ITGBL1: variants seen among roughly 807,000 people sequenced by gnomAD.
ITGBL1 encodes the protein integrin subunit beta like 1, also known as integrin beta-like protein 1.
ITGBL1 carries 51 observed loss-of-function variants against 68.5 expected under a neutral mutation model. The observed-to-expected ratio is 0.74, with a 90% CI of 0.59 to 0.94. The LOEUF is 0.94. Ranked by LOEUF, ITGBL1 falls within the 40% of genes least tolerant of loss-of-function variation. ITGBL1 has a pLI of 0.00. For missense variants in ITGBL1, 649 were observed against 647.4 expected (o/e 1.00, Z -0.03); for synonymous variants, 209 against 227.3 (o/e 0.92, Z 0.72).
chr13:101,714,339 G>GT, intron 9 of ITGBL1, 99 bp from the exon 10 acceptor site: 1 of 764,386 alleles, frequency 1.3e-6, no homozygotes, highest in East Asian at 2.4e-5. Context: ...TGGATGATGG[G>GT]TTATTAGAAG....
chr13:101,520,595 T>G (rs536264326), intron 2 of ITGBL1, among the ~76,000 whole-genome samples: 31 of 152,162 alleles, frequency 2.0e-4, no homozygotes, highest in Non-Finnish European at 4.4e-4. Context: ...ATCATGTTCT[T>G]TTAAAGGATA....
In ITGBL1 at chr13:101,662,319, A is replaced by G. The variant is rs79296184; in HGVS notation, c.1016-30266A>G. 4.7e-4 allele frequency among the ~76,000 whole-genome samples: 72 copies of G among 152,284 alleles called. 1 individual carries two copies. In the East Asian group the frequency reaches 0.01, roughly 22 times the overall value. On this transcript the variant is annotated intron_variant, in intron 7 of 10. Coordinates refer to ENST00000376180, the MANE Select transcript of ITGBL1 (RefSeq NM_004791.3). ...AATTTTACTTTGTTTTTATTCTTCCATATGAGCTCTTTTGATTTTATTGAA... is the reference window on the plus strand; with the variant it reads ...AATTTTACTTTGTTTTTATTCTTCCGTATGAGCTCTTTTGATTTTATTGAA...
At chr13:101,523,273 G>T (rs925910596) in intron 2 of ITGBL1, among the ~76,000 whole-genome samples, 67 of 152,130 alleles carry the variant, frequency 4.4e-4, no homozygotes, top group Admixed American at 2.0e-3. Context: ...ATAAGAGAAG[G>T]CCAGGCCTGG....
chr13:101,637,725 C>T (rs955734967), intron 7 of ITGBL1, among the ~76,000 whole-genome samples: 3 of 152,156 alleles, frequency 2.0e-5, no homozygotes, highest in Admixed American at 2.0e-4. Context: ...TCTAAGCCAA[C>T]TCTCTCTTTT....
intron 2 of ITGBL1, among the ~76,000 whole-genome samples, chr13:101,547,708 G>C (rs1429745832): frequency 6.6e-6 from 1 of 151,662 alleles, no homozygotes; most frequent in Non-Finnish European, 1.5e-5. Context: ...TAAAATATTG[G>C]ATTGTTTTTT....
intron 7 of ITGBL1, among the ~76,000 whole-genome samples, chr13:101,691,208 G>T (rs28669861): frequency 1.4e-3 from 215 of 152,284 alleles, no homozygotes; most frequent in African/African-American, 5.1e-3. Context: ...ATCGTTGAAG[G>T]AGGGACCCCT....
At chr13:101,702,821 C>A (rs149962878) in intron 8 of ITGBL1, among the ~76,000 whole-genome samples, 1 of 152,146 alleles carries the variant, frequency 6.6e-6, no homozygotes, top group Middle Eastern at 3.2e-3. Context: ...TTATTTAACT[C>A]TTTAAGGACA....
rs547380929 is a variant in ITGBL1 at position 101,680,603 on chromosome 13, C to G, written c.1016-11982C>G. Among the ~76,000 whole-genome samples the G allele has an allele frequency of 4.0e-5, 6 of 151,776 alleles. No homozygotes were observed. The South Asian group carries it at 1.0e-3, about 26-fold the overall frequency. ...CAAATTGTATGTGAGTAATTGAACT[C>G]CAAGCCTCCCAGCTGTGTTTTACTT... On this transcript the variant is annotated intron_variant, in intron 7 of 10. Transcript: ENST00000376180.
intron 8 of ITGBL1, among the ~76,000 whole-genome samples, chr13:101,704,266 T>G (rs901249377): frequency 6.6e-6 from 1 of 151,828 alleles, no homozygotes; most frequent in Non-Finnish European, 1.5e-5. Context: ...CCTATGTAGC[T>G]CTGGAGGTAT....
chr13:101,718,804 T>C (rs535208983), downstream of ITGBL1: 232 of 151,358 alleles, frequency 1.5e-3, 1 homozygote, highest in African/African-American at 5.5e-3. Context: ...AACTAAAATA[T>C]AACTCAGCCT....
At chr13:101,642,940 A>C (rs1174801342) in intron 7 of ITGBL1, among the ~76,000 whole-genome samples, 1 of 149,532 alleles carries the variant, frequency 6.7e-6, no homozygotes, top group Non-Finnish European at 1.5e-5. Flanking sequence ...TTTTGGTACC[A>C]GTACCATGCT....
chr13:101,591,186 A>G (rs1044100346), intron 6 of ITGBL1, among the ~76,000 whole-genome samples: 1 of 152,144 alleles, frequency 6.6e-6, no homozygotes, highest in Admixed American at 6.6e-5. Flanking sequence ...TATGGGCGTG[A>G]GTCACCACGT....
chr13:101,498,195 T>C (rs904505412), intron 2 of ITGBL1, among the ~76,000 whole-genome samples: 2 of 152,192 alleles, frequency 1.3e-5, no homozygotes, highest in South Asian at 2.1e-4. Context: ...ATAGCTTCTA[T>C]TGGGAGTTGT....
intron 2 of ITGBL1, among the ~76,000 whole-genome samples, chr13:101,499,576 C>A (rs1011196981): frequency 2.6e-5 from 4 of 152,182 alleles, no homozygotes; most frequent in Non-Finnish European, 5.9e-5. Context: ...ACTTTTGGAA[C>A]TGGAGCAAAG....
chr13:101,706,273 G>A (rs913471879), intron 8 of ITGBL1, among the ~76,000 whole-genome samples: 1 of 152,158 alleles, frequency 6.6e-6, no homozygotes, highest in African/African-American at 2.4e-5. Context: ...TAAGCAGAGA[G>A]GTATACAGAT....
intron 8 of ITGBL1, among the ~76,000 whole-genome samples, chr13:101,696,876 C>T (rs1416576297): frequency 2.0e-5 from 3 of 152,068 alleles, no homozygotes; most frequent in Non-Finnish European, 4.4e-5. Flanking sequence ...GTTTTGGATA[C>T]AGGATTCTTC....
At chr13:101,530,245 T>TTA (rs1008129080) in intron 2 of ITGBL1, among the ~76,000 whole-genome samples, 3 of 151,654 alleles carry the variant, frequency 2.0e-5, no homozygotes, top group South Asian at 2.1e-4. Context: ...TGAAATGTAA[T>TTA]TATATATAGA....
intron 7 of ITGBL1, among the ~76,000 whole-genome samples, chr13:101,648,988 A>G (rs2032659102): frequency 6.6e-6 from 1 of 152,186 alleles, no homozygotes; most frequent in East Asian, 1.9e-4. Flanking sequence ...AGATTGACAT[A>G]CTAGGAATAT....
intron 4 of ITGBL1, among the ~76,000 whole-genome samples, chr13:101,576,576 G>T (rs547377677): frequency 6.6e-6 from 1 of 152,146 alleles, no homozygotes; most frequent in Non-Finnish European, 1.5e-5. Flanking sequence ...TAGAAGTATT[G>T]TTTTTCTGGA....
Sources: gnomAD v4.1 joint callset for allele counts (sites outside exome capture counted in the v4.1 genomes callset) on GRCh38, gnomAD v4.1.1 for gene constraint, MANE v1.5 for transcripts, NCBI Gene and HGNC (gene_info 2026-07-23, HGNC 2026-07-21) for gene names.